The following NEBL variants were observed in gnomAD, a reference collection of about 807,000 sequenced individuals.
NEBL encodes LIM and SH3 protein 2.
In NEBL, 122 loss-of-function variants were observed where a neutral mutation model predicts 140.2. The ratio of observed to expected loss-of-function variants is 0.87; its 90% CI spans 0.75 to 1.01. The LOEUF is 1.01. NEBL is among the 50% of genes least tolerant of loss of function. The probability of loss-of-function intolerance (pLI) is 0.00; values close to 1 mark genes in which losing one functional copy is unlikely to be tolerated. For synonymous variants in NEBL, 436 were observed against 398.9 expected, an observed-to-expected ratio of 1.09 and a Z score of -1.11; for missense variants, 1,365 against 1,231.3, an observed-to-expected ratio of 1.11 and a Z score of -1.62.
intron 19 of NEBL, among the ~76,000 whole-genome samples, chr10:20,821,207 A>C (rs945279967): frequency 6.6e-6 from 1 of 152,238 alleles, no homozygotes; most frequent in Non-Finnish European, 1.5e-5. Context: ...TGGGTGCATA[A>C]GTTTGATAGA....
intron 4 of NEBL, among the ~76,000 whole-genome samples, chr10:20,916,739 A>T (rs1848572868): frequency 6.6e-6 from 1 of 152,202 alleles, no homozygotes; most frequent in South Asian, 2.1e-4. Context: ...TCTCTTGATT[A>T]AAAGCTTCTA....
At chr10:20,807,396 T>C (rs1043073192) in intron 26 of NEBL, among the ~76,000 whole-genome samples, 1 of 152,206 alleles carries the variant, frequency 6.6e-6, no homozygotes, top group South Asian at 2.1e-4. Context: ...GATTTTCTCA[T>C]GTATTTTTAC....
intron 3 of NEBL, among the ~76,000 whole-genome samples, chr10:20,982,261 T>C (rs1164599653): frequency 2.0e-5 from 3 of 152,232 alleles, no homozygotes; most frequent in Non-Finnish European, 4.4e-5. Flanking sequence ...TGACAGATCC[T>C]CAGATGGGAC....
chr10:21,113,710 T>C lies in NEBL; in HGVS notation c.164+58673A>G, dbSNP rs1215400532. ...ACTCCTCCCTTTCCTTGGTTTTTAGTTTGTATGGAATGTTAACATTCCATA... is the reference window on the plus strand; with the variant it reads ...ACTCCTCCCTTTCCTTGGTTTTTAGCTTGTATGGAATGTTAACATTCCATA... On this transcript the variant is annotated intron_variant, in intron 2 of 6. Coordinates refer to the NEBL transcript ENST00000417816. Among the ~76,000 whole-genome samples the C allele has an allele frequency of 5.3e-5, 8 of 152,086 alleles. No individual in the cohort carries two copies. In the East Asian group the frequency reaches 1.2e-3, roughly 22 times the overall value.
At chr10:21,201,106 A>T (rs967903011) in intron 3 of NEBL, among the ~76,000 whole-genome samples, 4 of 152,046 alleles carry the variant, frequency 2.6e-5, no homozygotes, top group African/African-American at 9.7e-5. Flanking sequence ...TTCAGCAACC[A>T]TCCAATTCTC....
chr10:21,126,228 T>G, intron 2 of NEBL: 1 of 1,109,470 alleles, frequency 9.0e-7, no homozygotes, highest in Non-Finnish European at 1.3e-6. Context: ...GCTGGTTATG[T>G]TTCAGAACCA....
At chr10:21,179,915 A>T (rs1340756150), upstream of NEBL, among the ~76,000 whole-genome samples, 1 of 152,150 alleles carries the variant, frequency 6.6e-6, no homozygotes, top group African/African-American at 2.4e-5. Context: ...AGGCAGGCAG[A>T]TCACTTAAGG....
At chr10:21,184,527 A>G (rs887003836) in intron 3 of NEBL, among the ~76,000 whole-genome samples, 10 of 152,202 alleles carry the variant, frequency 6.6e-5, no homozygotes, top group Non-Finnish European at 1.2e-4. Context: ...AATTAAGTGA[A>G]ATGAATGAAC....
intron 1 of NEBL, among the ~76,000 whole-genome samples, chr10:21,258,436 GGCTCGTAC>G (rs1326674625): frequency 6.6e-6 from 1 of 152,196 alleles, no homozygotes. Context: ...CAGGAGCTGT[GGCTCGTAC>G]CTGTAATCCC....
At chr10:20,914,507 C>A (rs763047995) in intron 4 of NEBL, among the ~76,000 whole-genome samples, 12 of 152,170 alleles carry the variant, frequency 7.9e-5, no homozygotes, top group Non-Finnish European at 2.9e-5. Context: ...GGGACAGGAA[C>A]CTTTCATAAA....
At chr10:20,963,612 C>T (rs1018662726) in intron 3 of NEBL, among the ~76,000 whole-genome samples, 4 of 152,120 alleles carry the variant, frequency 2.6e-5, no homozygotes, top group African/African-American at 7.2e-5. Context: ...CTAGGATGGT[C>T]TTGAACTCCT....
At position 20,868,729 on chromosome 10, in the gene NEBL, C is replaced by T. The variant is rs1396045460; in HGVS notation, c.619G>A (p.Glu207Lys). The T allele has an allele frequency of 6.2e-7, 1 of 1,612,256 alleles. No individual in the cohort carries two copies. The highest frequency in any genetic ancestry group is 8.5e-7 in the Non-Finnish European group (1 of 1,178,666). ...TCTGGTCTTCCAATTACAGCGGGCT[C>T]TTTATTCATTATTCCTTGTCCTTTC... ...YKKGQGIMNK[E>K]PAVIGRPDFE... is the part of the protein sequence containing the mutation. Residue 207 changes from glutamate to lysine, a missense_variant, in exon 7 of 28, where the codon GAG becomes AAG. Glu to Lys is a moderately conservative substitution (Grantham distance 56). Around this residue, in one of 2 missense-constraint regions of NEBL, gnomAD observed 1,323 missense variants for 1,154.8 expected, o/e 1.15. Coordinates refer to ENST00000377122, the MANE Select transcript of NEBL (RefSeq NM_006393.3).
chr10:20,820,122 A>G (rs1184655265), intron 19 of NEBL, among the ~76,000 whole-genome samples: 1 of 152,178 alleles, frequency 6.6e-6, no homozygotes, highest in Non-Finnish European at 1.5e-5. Context: ...GAGTAACAAA[A>G]TCCTGTACCT....
chr10:21,189,354 G>A (rs781157322), intron 3 of NEBL, among the ~76,000 whole-genome samples: 2 of 152,150 alleles, frequency 1.3e-5, no homozygotes, highest in African/African-American at 4.8e-5. Flanking sequence ...CCAGAAGCTG[G>A]AAAAAGCAAA....
intron 4 of NEBL, among the ~76,000 whole-genome samples, chr10:20,936,790 C>G (rs566503814): frequency 6.6e-6 from 1 of 152,298 alleles, no homozygotes; most frequent in East Asian, 1.9e-4. Context: ...TGCAAATGAC[C>G]TGGTAATCCA....
chr10:20,953,114 A>G (rs146489618), intron 4 of NEBL, among the ~76,000 whole-genome samples: 336 of 152,180 alleles, frequency 2.2e-3, no homozygotes, highest in African/African-American at 7.4e-3. Context: ...TATGGACTGA[A>G]CTGTGTACCA....
At chr10:21,130,342 C>A (rs10828196) in intron 2 of NEBL, among the ~76,000 whole-genome samples, 7,143 of 152,122 alleles carry the variant, frequency 0.047, 307 homozygotes, top group East Asian at 0.22. Context: ...CCAGACAGAT[C>A]CAGCAGGCAG....
intron 2 of NEBL, among the ~76,000 whole-genome samples, chr10:20,892,017 A>C (rs1847076310): frequency 6.6e-6 from 1 of 152,198 alleles, no homozygotes; most frequent in South Asian, 2.1e-4. Context: ...AAATCACTGA[A>C]TAGATTGCTA....
chr10:21,246,797 G>A (rs1842522419), intron 3 of NEBL, among the ~76,000 whole-genome samples: 1 of 152,120 alleles, frequency 6.6e-6, no homozygotes, highest in Non-Finnish European at 1.5e-5. Flanking sequence ...TCACACCACT[G>A]CACTCCAGCC....
Sources: allele counts gnomAD v4.1 joint callset (sites outside exome capture counted in the v4.1 genomes callset), GRCh38; gene constraint gnomAD v4.1.1; regional missense constraint gnomAD v4.1.1; transcripts MANE v1.5; gene names NCBI Gene and HGNC (gene_info 2026-07-23, HGNC 2026-07-21).